Variants in GPC6 observed in about 807,000 individuals in gnomAD.
The protein encoded by GPC6 is glypican-6.
GPC6 carries 14 observed loss-of-function variants against 55.2 expected under a neutral mutation model. The observed-to-expected ratio is 0.25, with a 90% CI of 0.17 to 0.40. The LOEUF is 0.40. Ranked by LOEUF, GPC6 falls within the 10% of genes least tolerant of loss-of-function variation. The pLI, the probability that GPC6 is intolerant of heterozygous loss-of-function variation, is 1.00. For synonymous variants in GPC6, 278 were observed against 259.6 expected, an observed-to-expected ratio of 1.07 and a Z score of -0.68; for missense variants, 641 against 708.5, an observed-to-expected ratio of 0.90 and a Z score of 1.08.
rs187497983 is a variant in GPC6 at position 93,920,095 on chromosome 13, G to A, written c.711+89550G>A. Among the ~76,000 whole-genome samples the A allele has an allele frequency of 3.9e-3, 589 of 152,024 alleles. 1 individual carries two copies. Among genetic ancestry groups the A allele is most frequent in the African/African-American group, 8.5e-3 (351 of 41,462 alleles). ...GTAACTTCCTACTCATCAACCCACCGACCTTCCCTTAGCCTTTGTCCTCCT... is the reference window on the plus strand; with the variant it reads ...GTAACTTCCTACTCATCAACCCACCAACCTTCCCTTAGCCTTTGTCCTCCT... On this transcript the variant is annotated intron_variant, in intron 3 of 8. Coordinates refer to ENST00000377047, the MANE Select transcript of GPC6 (RefSeq NM_005708.5).
intron 1 of GPC6, among the ~76,000 whole-genome samples, chr13:93,337,926 G>A (rs1012690805): frequency 3.3e-5 from 5 of 152,108 alleles, no homozygotes; most frequent in East Asian, 1.9e-4. Flanking sequence ...ATTGCAGCCC[G>A]CAACCTCAGA....
intron 2 of GPC6, among the ~76,000 whole-genome samples, chr13:93,589,880 A>G (rs967344047): frequency 2.0e-5 from 3 of 152,130 alleles, no homozygotes; most frequent in Non-Finnish European, 4.4e-5. Flanking sequence ...ATTTAAGGGG[A>G]TAAAACACTT....
Position 93,368,321 on chromosome 13 carries a change from TTCCCTCCC to T in GPC6, c.160+140711_160+140718del, listed in dbSNP as rs1200781328. On this transcript the variant is annotated intron_variant, in intron 1 of 8. Transcript: ENST00000377047. The stretch of plus-strand genomic sequence containing the variant: ...CCTCTCTCCTTCCCTCCTTCCCTCC[TTCCCTCCC>T]TCCCTGCTTTCCTTCCTTCCTTCCT... Among the ~76,000 whole-genome samples, 4 of 104,050 alleles carry T rather than the reference TTCCCTCCC, an allele frequency of 3.8e-5. No homozygotes were observed. In the East Asian group the frequency reaches 9.5e-4, roughly 25 times the overall value. The allele number at this position is 104,050 out of a possible 152,430, so 68.3% of individuals were successfully genotyped here.
chr13:93,640,594 G>A (rs1007276396), intron 2 of GPC6, among the ~76,000 whole-genome samples: 4 of 152,096 alleles, frequency 2.6e-5, no homozygotes, highest in African/African-American at 7.2e-5. Flanking sequence ...TCAAGAAATG[G>A]AAGCTGAGGC....
At chr13:94,183,723 G>T (rs1219808881) in intron 4 of GPC6, among the ~76,000 whole-genome samples, 1 of 152,154 alleles carries the variant, frequency 6.6e-6, no homozygotes, top group Non-Finnish European at 1.5e-5. Flanking sequence ...CTTGCCAACA[G>T]TAATTGTTTC....
At chr13:93,317,455 G>C (rs7337675) in intron 1 of GPC6, among the ~76,000 whole-genome samples, 90,078 of 151,946 alleles carry the variant, frequency 0.59, 26,902 homozygotes, top group East Asian at 0.77. Context: ...ATAACCAGGC[G>C]CCTCTTTGAA....
intron 1 of GPC6, among the ~76,000 whole-genome samples, chr13:93,440,740 A>C (rs1877762057): frequency 3.3e-5 from 5 of 152,060 alleles, no homozygotes; most frequent in Non-Finnish European, 1.5e-5. Flanking sequence ...ACATGTGCAC[A>C]ACGTGCAGGT....
rs756088565 is a variant in GPC6 at position 93,531,240 on chromosome 13, A to G, written c.161-14023A>G. Among the ~76,000 whole-genome samples the G allele has an allele frequency of 2.6e-5, 4 of 150,974 alleles. No individual in the cohort carries two copies. The South Asian group carries it at 6.2e-4, about 23-fold the overall frequency. On this transcript the variant is annotated intron_variant, in intron 1 of 8. Coordinates refer to ENST00000377047, the MANE Select transcript of GPC6 (RefSeq NM_005708.5). ...AACAGGACCAATTATATGTAAGAAC[A>G]TATATATTTTACATATATATTTACA...
At chr13:94,038,220 A>G (rs553504281) in intron 4 of GPC6, among the ~76,000 whole-genome samples, 4 of 152,062 alleles carry the variant, frequency 2.6e-5, no homozygotes, top group South Asian at 2.1e-4. Context: ...TTCAATCACC[A>G]TATGTAGCTA....
At chr13:94,067,295 C>T (rs1307328960) in intron 4 of GPC6, among the ~76,000 whole-genome samples, 1 of 152,092 alleles carries the variant, frequency 6.6e-6, no homozygotes, top group Non-Finnish European at 1.5e-5. Flanking sequence ...TTAACTCAGT[C>T]CTTTGTTTTA....
intron 6 of GPC6, among the ~76,000 whole-genome samples, chr13:94,316,420 A>G (rs1024514285): frequency 6.6e-5 from 10 of 152,232 alleles, no homozygotes; most frequent in African/African-American, 1.7e-4. Flanking sequence ...AAAAGTGGCA[A>G]TAAAGAAACA....
rs1482021154 is a variant in GPC6, at chr13:93,542,925, C to G, written c.161-2338C>G. On this transcript the variant is annotated intron_variant, in intron 1 of 8. Transcript: ENST00000377047. ...CTTATCAGCTTAAGGAGATTTTGGG[C>G]TGAGACGATGGGGTTTTCTAGATAT... Among the ~76,000 whole-genome samples the G allele has an allele frequency of 2.6e-5, 4 of 152,178 alleles. No homozygotes were observed. In the East Asian group the frequency reaches 7.7e-4, roughly 29 times the overall value.
At chr13:93,475,214 A>G (rs759726245) in intron 1 of GPC6, among the ~76,000 whole-genome samples, 1 of 152,216 alleles carries the variant, frequency 6.6e-6, no homozygotes, top group Admixed American at 6.5e-5. Context: ...TGATTGAAAC[A>G]TGTCAGAATG....
At chr13:93,496,106 G>A (rs1444882999) in intron 1 of GPC6, among the ~76,000 whole-genome samples, 2 of 152,112 alleles carry the variant, frequency 1.3e-5, no homozygotes, top group Non-Finnish European at 2.9e-5. Context: ...GGCAATGGTT[G>A]GCGCCCCTCC....
chr13:93,556,013 T>C (rs1456021521), intron 2 of GPC6, among the ~76,000 whole-genome samples: 2 of 152,200 alleles, frequency 1.3e-5, no homozygotes, highest in Non-Finnish European at 2.9e-5. Context: ...CAGGCCTCCA[T>C]ATCTAAGGTG....
chr13:93,727,827 C>G lies in GPC6; in HGVS notation c.320-102327C>G, dbSNP rs74242158. ...TTATTTTACAAATATAAAATCTGAA[C>G]TCCTCTCCATGGCTTACAAAGCCTC... On this transcript the variant is annotated intron_variant, in intron 2 of 8. Coordinates refer to ENST00000377047, the MANE Select transcript of GPC6 (RefSeq NM_005708.5). Among the ~76,000 whole-genome samples the G allele has an allele frequency of 2.0e-5, 3 of 152,080 alleles. No individual in the cohort carries two copies. The East Asian group carries it at 5.8e-4, about 29-fold the overall frequency.
At chr13:93,603,589 C>A (rs997195145) in intron 2 of GPC6, among the ~76,000 whole-genome samples, 1 of 152,210 alleles carries the variant, frequency 6.6e-6, no homozygotes, top group African/African-American at 2.4e-5. Flanking sequence ...CACATCAAGG[C>A]TCCAGGGCCT....
rs989453424 is a variant in GPC6, at chr13:93,484,167, T to G, written c.161-61096T>G. On this transcript the variant is annotated intron_variant, in intron 1 of 8. Transcript: ENST00000377047. ...GCATCTGCCATAGCAACAGTTTTTTTGGGTTATTCTCTCACTACTTGATGT... is the reference window on the plus strand; with the variant it reads ...GCATCTGCCATAGCAACAGTTTTTTGGGGTTATTCTCTCACTACTTGATGT... Among the ~76,000 whole-genome samples, 8 of 152,150 alleles carry G rather than the reference T, an allele frequency of 5.3e-5. No individual in the cohort carries two copies. The East Asian group carries it at 1.3e-3, about 26-fold the overall frequency.
chr13:94,194,783 C>CT (rs1301152101), intron 4 of GPC6, among the ~76,000 whole-genome samples: 1 of 152,054 alleles, frequency 6.6e-6, no homozygotes, highest in East Asian at 1.9e-4. Context: ...AAAAAGAATA[C>CT]TTTAACTGAA....
Sources: gnomAD v4.1 joint callset for allele counts (sites outside exome capture counted in the v4.1 genomes callset) on GRCh38, gnomAD v4.1.1 for gene constraint, MANE v1.5 for transcripts, NCBI Gene and HGNC (gene_info 2026-07-23, HGNC 2026-07-21) for gene names.